Variants in PYROXD2 observed in about 807,000 individuals in gnomAD.
The protein encoded by PYROXD2 is pyridine nucleotide-disulphide oxidoreductase domain 2.
A neutral mutation model predicts 71.1 loss-of-function variants in PYROXD2; 69 were observed. That is an observed-to-expected ratio of 0.97 (90% CI 0.80 to 1.19). The LOEUF (loss-of-function observed/expected upper bound fraction) is 1.19. PYROXD2 is among the 50% of genes most tolerant of loss of function. PYROXD2 has a pLI of 0.00. For missense variants in PYROXD2, 745 were observed against 748.9 expected (o/e 0.99, Z 0.06); for synonymous variants, 287 against 302.7 (o/e 0.95, Z 0.54).
chr10:98,390,998 T>C lies in PYROXD2; in HGVS notation c.1135+12A>G, dbSNP rs1842928305. ...CAAAGGAGACAGTGCTGCAATGTGG[T>C]GTGCCTCTTACCATTGATCTTGGTG... On this transcript the variant is annotated intron_variant, in intron 11 of 15. Coordinates refer to ENST00000370575, the MANE Select transcript of PYROXD2 (RefSeq NM_032709.3). 3 of 1,600,510 alleles carry C rather than the reference T, an allele frequency of 1.9e-6. No homozygotes were observed. Among genetic ancestry groups the C allele is most frequent in the South Asian group, 2.2e-5 (2 of 90,792 alleles).
chr10:98,404,619 G>A (rs1386180571), intron 4 of PYROXD2, among the ~76,000 whole-genome samples: 3 of 152,104 alleles, frequency 2.0e-5, no homozygotes, highest in African/African-American at 7.2e-5. Flanking sequence ...CCCCATGAGA[G>A]TTCTCAGCAT....
intron 15 of PYROXD2, among the ~76,000 whole-genome samples, chr10:98,384,295 GA>G (rs1429503168): frequency 6.6e-6 from 1 of 152,170 alleles, no homozygotes; most frequent in Non-Finnish European, 1.5e-5. Context: ...GCACAAGAAA[GA>G]ATTGTAAAGT....
intron 2 of PYROXD2, among the ~76,000 whole-genome samples, chr10:98,408,530 T>G (rs1226669158): frequency 1.3e-5 from 2 of 151,932 alleles, no homozygotes; most frequent in Admixed American, 1.3e-4. Context: ...ACCCACTTCA[T>G]AAGGCTGCTG....
chr10:98,387,075 G>T, intron 14 of PYROXD2, 126 bp downstream of exon 14: 1 of 672,940 alleles, frequency 1.5e-6, no homozygotes. Flanking sequence ...CGGGGTCCCT[G>T]CCACTGTCCT....
intron 2 of PYROXD2, among the ~76,000 whole-genome samples, chr10:98,408,676 T>C (rs893633626): frequency 2.6e-5 from 4 of 152,218 alleles, no homozygotes; most frequent in Admixed American, 2.6e-4. Context: ...TATTAATTTT[T>C]TTCTAGCACT....
At position 98,400,179 on chromosome 10, in the gene PYROXD2, G is replaced by C. The variant is rs2135988107; in HGVS notation, c.394C>G (p.Pro132Ala). The C allele has an allele frequency of 1.9e-6, 3 of 1,613,506 alleles. No homozygotes were observed. Among genetic ancestry groups the C allele is most frequent in the Non-Finnish European group, 2.5e-6 (3 of 1,179,724 alleles). Residue 132 changes from proline (P) to alanine (A), a missense_variant, in exon 5 of 16, where the codon CCC becomes GCC. Transcript: ENST00000370575. ...TCTGTGCCCAGCAGAAGGCACCTGG[G>C]CACCTTGCTGCCTGCACCCTCTTCC... Reference protein sequence around the residue: ...MLEEGAGSKVPRCLLLGTDMA... With the variant: ...MLEEGAGSKVARCLLLGTDMA...
chr10:98,388,690 A>G (rs1159015650), intron 12 of PYROXD2, among the ~76,000 whole-genome samples, 182 bp from the exon 13 acceptor site: 1 of 151,580 alleles, frequency 6.6e-6, no homozygotes, highest in Non-Finnish European at 1.5e-5. Flanking sequence ...GGTCCAGAGC[A>G]CCTGTGAGGA....
rs2058764706 is a variant in PYROXD2 at position 98,407,950 on chromosome 10, C to G, written c.195G>C (p.Arg65Ser). Residue 65 changes from arginine (R) to serine (S), a missense_variant, in exon 3 of 16, where the codon AGG becomes AGC. Arg to Ser is a moderately radical substitution (Grantham distance 110). Coordinates refer to ENST00000370575, the MANE Select transcript of PYROXD2 (RefSeq NM_032709.3). ...CAGCTGCACCCCCGATCACATGGCG[C>G]CTCTCGAAGACGGCGGTGTTCACCC... Reference protein sequence around the residue: ...RLGVNTAVFERRHVIGGAAVT... With the variant: ...RLGVNTAVFESRHVIGGAAVT... 2 of 1,611,206 alleles carry G rather than the reference C, an allele frequency of 1.2e-6. No individual in the cohort carries two copies. The highest frequency in any genetic ancestry group is 1.7e-6 in the Non-Finnish European group (2 of 1,179,080).
intron 11 of PYROXD2, 39 bp downstream of exon 11, chr10:98,390,971 G>C (rs41290478): frequency 1.3e-6 from 2 of 1,538,718 alleles, no homozygotes; most frequent in East Asian, 4.5e-5. Flanking sequence ...ACTCAGATGG[G>C]TCAAAGGAGA....
chr10:98,387,221 T>G lies in PYROXD2; in HGVS notation c.1534A>C (p.Ile512Leu). The change falls in exon 14 of 16, where the codon ATC becomes CTC. Residue 512 changes from isoleucine (I) to leucine (L), a missense_variant. By Grantham distance (5) the Ile-to-Leu change is conservative (BLOSUM62 2). Coordinates refer to ENST00000370575, the MANE Select transcript of PYROXD2 (RefSeq NM_032709.3). ...DILTPPDLER[I>L]FGLPGGNIFH... ...CATACCCCTCCAGGAAGCCCGAAGA[T>G]TCTCTCCAAATCTGGTGGTGTGAGG... The G allele has an allele frequency of 6.2e-7, 1 of 1,614,016 alleles. No individual in the cohort carries two copies. Among genetic ancestry groups the G allele is most frequent in the Non-Finnish European group, 8.5e-7 (1 of 1,179,948 alleles).
intron 11 of PYROXD2, 25 bp from the exon 12 acceptor site, chr10:98,390,779 G>A (rs1056863120): frequency 6.4e-7 from 1 of 1,554,150 alleles, no homozygotes; most frequent in Non-Finnish European, 8.7e-7. Context: ...AGGAGGGTCA[G>A]GTCTTAGCCC....
chr10:98,399,801 G>C (rs930354751), intron 5 of PYROXD2, among the ~76,000 whole-genome samples: 2 of 152,238 alleles, frequency 1.3e-5, no homozygotes, highest in Admixed American at 1.3e-4. Flanking sequence ...GCCAGTGTAA[G>C]AACGTGCCAG....
In PYROXD2 at chr10:98,414,187, A is replaced by G. The variant is rs1250667996; in HGVS notation, c.127+822T>C. The G allele has an allele frequency of 2.6e-5, 4 of 152,118 alleles. No individual in the cohort carries two copies. In the East Asian group the frequency reaches 5.8e-4, roughly 22 times the overall value. The allele number at this position is 152,118 out of a possible 1,614,324, so 9.4% of individuals were successfully genotyped here. A position where few individuals can be genotyped will look rare whatever the true frequency, so the allele number is the denominator to read the frequency against. Reference sequence around the variant, plus strand: ...TACCAGCTCGCAACTGCTCTAGTACATATGAAAATGAAGGCATGCCCTCAA... The same window carrying G: ...TACCAGCTCGCAACTGCTCTAGTACGTATGAAAATGAAGGCATGCCCTCAA... On this transcript the variant is annotated intron_variant, in intron 1 of 15. Transcript: ENST00000370575.
rs1273302767 is a variant in PYROXD2, at chr10:98,387,196, C to T, written c.1554+5G>A. The T allele has an allele frequency of 2.3e-5, 37 of 1,611,024 alleles. No individual in the cohort carries two copies. The highest frequency in any genetic ancestry group is 3.1e-5 in the Non-Finnish European group (37 of 1,177,498). On this transcript the variant is annotated splice_donor_5th_base_variant and intron_variant, in intron 14 of 15. Transcript: ENST00000370575. The stretch of plus-strand genomic sequence containing the variant: ...TGGTGAGAGACCCCCTAGGCTTATA[C>T]ATACCCCTCCAGGAAGCCCGAAGAT...
intron 1 of PYROXD2, chr10:98,412,001 C>T (rs1480021940): frequency 6.6e-6 from 1 of 152,226 alleles, no homozygotes; most frequent in African/African-American, 2.4e-5. Context: ...GGCAGACAGT[C>T]CTGGGCTCAG....
At chr10:98,410,027 G>A (rs1843733408) in intron 2 of PYROXD2, among the ~76,000 whole-genome samples, 1 of 152,062 alleles carries the variant, frequency 6.6e-6, no homozygotes, top group Non-Finnish European at 1.5e-5. Context: ...GCAGCGAGCC[G>A]AGATCATGCC....
chr10:98,397,500 TG>T lies in PYROXD2; in HGVS notation c.472-3del. 1 of 1,596,334 alleles carries T rather than the reference TG, an allele frequency of 6.3e-7. No individual in the cohort carries two copies. The highest frequency in any genetic ancestry group is 8.6e-7 in the Non-Finnish European group (1 of 1,168,252). On this transcript the variant is annotated splice_polypyrimidine_tract_variant and splice_region_variant and intron_variant, in intron 5 of 15. Transcript: ENST00000370575. ...GAACTCCTCATATTTGGGAAAGACC[TG>T]GAACAGAGCTCTGCATTAAGGCCCC...
Position 98,393,983 on chromosome 10 carries a change from A to G in PYROXD2, c.786-900T>C, listed in dbSNP as rs1353577488. ...TCCCTCCCTCATCTTATGTTTTGTT[A>G]ACTCCTCTTTGTCCTTTGGGTCTCA... On this transcript the variant is annotated intron_variant, in intron 8 of 15. Transcript: ENST00000370575. Among the ~76,000 whole-genome samples the G allele has an allele frequency of 4.6e-5, 7 of 152,108 alleles. No individual in the cohort carries two copies. The East Asian group carries it at 1.4e-3, about 29-fold the overall frequency.
At chr10:98,392,332 ATC>A in intron 10 of PYROXD2, 98 bp downstream of exon 10, 1 of 1,521,082 alleles carries the variant, frequency 6.6e-7, no homozygotes, top group South Asian at 1.3e-5. Context: ...TGGCTTTTGC[ATC>A]TCACACCCTG....
Sources: gnomAD v4.1 joint callset for allele counts (sites outside exome capture counted in the v4.1 genomes callset) on GRCh38, gnomAD v4.1.1 for gene constraint, MANE v1.5 for transcripts, NCBI Gene and HGNC (gene_info 2026-07-23, HGNC 2026-07-21) for gene names.